Variants in CRYBG3 observed in about 807,000 individuals in gnomAD.
CRYBG3 encodes crystallin beta-gamma domain containing 3.
CRYBG3 carries 127 observed loss-of-function variants against 244.2 expected under a neutral mutation model. The ratio of observed to expected loss-of-function variants is 0.52; its 90% CI spans 0.45 to 0.60. The LOEUF is 0.60. CRYBG3 is among the 20% of genes least tolerant of loss of function. The probability of loss-of-function intolerance (pLI) is 0.00; values close to 1 mark genes in which losing one functional copy is unlikely to be tolerated. For synonymous variants in CRYBG3, 1,132 were observed against 1,195.8 expected (o/e 0.95, Z 1.10); for missense variants, 3,325 against 3,442.5 (o/e 0.97, Z 0.85).
At position 97,876,366 on chromosome 3, in the gene CRYBG3, G is replaced by A. The variant is rs2039372247; in HGVS notation, c.5172G>A (p.Gly1724=). ...MENTYQKDAE[G]DIGKAEVMPV... is the part of the protein sequence containing the mutation. Reference sequence around the variant, plus strand: ...ATACTTACCAAAAGGATGCTGAAGGGGATATTGGAAAGGCTGAAGTGATGC... The same window carrying A: ...ATACTTACCAAAAGGATGCTGAAGGAGATATTGGAAAGGCTGAAGTGATGC... The change falls in exon 4 of 22, where the codon GGG becomes GGA. Residue 1724 remains glycine (G), a synonymous_variant. Transcript: ENST00000389622. 1 of 1,232,110 alleles carries A rather than the reference G, an allele frequency of 8.1e-7. No individual in the cohort carries two copies. Among genetic ancestry groups the A allele is most frequent in the Non-Finnish European group, 1.0e-6 (1 of 987,984 alleles). The allele number at this position is 1,232,110 out of a possible 1,614,324, so 76.3% of individuals were successfully genotyped here. A position where few individuals can be genotyped will look rare whatever the true frequency, so the allele number is the denominator to read the frequency against.
At chr3:97,858,921 G>A (rs1312948521) in intron 2 of CRYBG3, among the ~76,000 whole-genome samples, 1 of 152,034 alleles carries the variant, frequency 6.6e-6, no homozygotes, top group Non-Finnish European at 1.5e-5. Flanking sequence ...TATGCATCTG[G>A]TGGAATAAGT....
intron 1 of CRYBG3, among the ~76,000 whole-genome samples, chr3:97,831,396 A>G (rs898563065): frequency 2.0e-5 from 3 of 152,146 alleles, no homozygotes; most frequent in Non-Finnish European, 4.4e-5. Context: ...TTAAGCAGAT[A>G]AGAGAACTTC....
rs557411113 is a variant in CRYBG3 at position 97,856,585 on chromosome 3, T to G, written c.217-7632T>G. Among the ~76,000 whole-genome samples the G allele has an allele frequency of 5.3e-5, 8 of 152,318 alleles. No individual in the cohort carries two copies. In the East Asian group the frequency reaches 1.5e-3, roughly 29 times the overall value. On this transcript the variant is annotated intron_variant, in intron 2 of 21. Coordinates refer to ENST00000389622, the MANE Select transcript of CRYBG3 (RefSeq NM_153605.4). ...AGAACTAATAAATGTCCATGAAATC[T>G]TCACAATCCACGTTCTTCTGCCATG...
chr3:97,937,874 ATAT>A (rs1232591264), intron 19 of CRYBG3, among the ~76,000 whole-genome samples: 1 of 152,120 alleles, frequency 6.6e-6, no homozygotes, highest in African/African-American at 2.4e-5. Context: ...ATTTCTGCCA[ATAT>A]TATTAAAGCT....
In CRYBG3 at chr3:97,874,594, G is replaced by T. The variant is rs763297903; in HGVS notation, c.3400G>T (p.Gly1134Trp). ...PFQEHFGIYT[G>W]KISIDFPTAA... is the part of the protein sequence containing the mutation. ...TCAGGAACATTTTGGGATTTATACT[G>T]GGAAGATATCCATTGATTTCCCAAC... is the stretch of plus-strand genomic sequence containing the variant. The change falls in exon 4 of 22, where the codon GGG (glycine) becomes TGG (tryptophan). Residue 1134 changes from glycine to tryptophan, a missense_variant. Physicochemically the swap from Gly to Trp is radical, Grantham distance 184. Around this residue, in one of 4 missense-constraint regions of CRYBG3, gnomAD observed 1,526 missense variants for 1,443.2 expected, o/e 1.06. Coordinates refer to ENST00000389622, the MANE Select transcript of CRYBG3 (RefSeq NM_153605.4). 4 of 1,535,984 alleles carry T rather than the reference G, an allele frequency of 2.6e-6. No individual in the cohort carries two copies. In the South Asian group the frequency reaches 4.8e-5, roughly 18 times the overall value.
At chr3:97,837,717 G>A (rs932529392) in intron 1 of CRYBG3, among the ~76,000 whole-genome samples, 1 of 152,052 alleles carries the variant, frequency 6.6e-6, no homozygotes, top group African/African-American at 2.4e-5. Flanking sequence ...CATATTTGGG[G>A]GTACTCTGAA....
chr3:97,868,008 C>T (rs1400136622), intron 3 of CRYBG3, among the ~76,000 whole-genome samples: 3 of 152,072 alleles, frequency 2.0e-5, no homozygotes, highest in Non-Finnish European at 2.9e-5. Context: ...TTGTTGGGCA[C>T]GGCGGTGGCT....
At chr3:97,834,943 C>A (rs1315674359) in intron 1 of CRYBG3, among the ~76,000 whole-genome samples, 2 of 152,086 alleles carry the variant, frequency 1.3e-5, no homozygotes, top group Non-Finnish European at 2.9e-5. Context: ...CAAAAGCACA[C>A]TCATAACCCT....
intron 1 of CRYBG3, among the ~76,000 whole-genome samples, chr3:97,834,703 A>G (rs2038706353): frequency 6.6e-6 from 1 of 152,150 alleles, no homozygotes; most frequent in South Asian, 2.1e-4. Context: ...CATTGTTCTA[A>G]GTAGGCAAAT....
intron 7 of CRYBG3, among the ~76,000 whole-genome samples, chr3:97,882,416 T>C (rs929740693): frequency 3.3e-5 from 5 of 151,910 alleles, no homozygotes; most frequent in African/African-American, 4.8e-5. Flanking sequence ...AAGGGAGGAT[T>C]GGAATAGGAA....
At chr3:97,864,093 A>G in intron 2 of CRYBG3, 124 bp from the exon 3 acceptor site, 1 of 744,752 alleles carries the variant, frequency 1.3e-6, no homozygotes, top group Middle Eastern at 3.5e-4. Flanking sequence ...AAAGGAACAG[A>G]AGCCATTAGT....
chr3:97,833,787 T>C (rs1559712330), intron 1 of CRYBG3, among the ~76,000 whole-genome samples: 1 of 152,098 alleles, frequency 6.6e-6, no homozygotes, highest in East Asian at 1.9e-4. Context: ...TTCTGTGCTA[T>C]AAAGGAATAC....
intron 2 of CRYBG3, among the ~76,000 whole-genome samples, chr3:97,851,124 C>A (rs1215654668): frequency 1.5e-5 from 2 of 130,960 alleles, no homozygotes; most frequent in African/African-American, 3.4e-5. Flanking sequence ...CAGAGCGAGA[C>A]TGTCTCCAAA....
intron 1 of CRYBG3, among the ~76,000 whole-genome samples, chr3:97,836,411 C>T (rs976603517): frequency 2.0e-5 from 3 of 152,094 alleles, no homozygotes; most frequent in African/African-American, 7.2e-5. Flanking sequence ...AAGTACCACT[C>T]TTCTGCTGGC....
At chr3:97,832,915 G>T (rs1415599190) in intron 1 of CRYBG3, among the ~76,000 whole-genome samples, 1 of 149,786 alleles carries the variant, frequency 6.7e-6, no homozygotes, top group Non-Finnish European at 1.5e-5. Context: ...GATATGAAGA[G>T]ACACTTCTCA....
rs548121379 is a variant in CRYBG3, at chr3:97,874,690, A to G, written c.3496A>G (p.Ser1166Gly). The G allele has an allele frequency of 3.3e-6, 5 of 1,535,842 alleles. No homozygotes were observed. The East Asian group carries it at 9.8e-5, about 30-fold the overall frequency. ...TGCTGGGCCTGCAGCGTCAGTTAAC[A>G]GCTCAGGCCAACAGTGTTCTGAAGC... Reference protein sequence around the residue: ...AVAGPAASVNSSGQQCSEASA... With the variant: ...AVAGPAASVNGSGQQCSEASA... Residue 1166 changes from serine to glycine, a missense_variant, in exon 4 of 22, where the codon AGC (serine) becomes GGC (glycine). Coordinates refer to ENST00000389622, the MANE Select transcript of CRYBG3 (RefSeq NM_153605.4).
chr3:97,888,757 G>A (rs146265123), intron 9 of CRYBG3, among the ~76,000 whole-genome samples: 244 of 152,250 alleles, frequency 1.6e-3, no homozygotes, highest in African/African-American at 5.7e-3. Flanking sequence ...ATATCACAAC[G>A]TGGAGTAGCA....
intron 17 of CRYBG3, among the ~76,000 whole-genome samples, chr3:97,917,877 C>G (rs964124247): frequency 1.3e-5 from 2 of 152,168 alleles, no homozygotes; most frequent in Non-Finnish European, 2.9e-5. Flanking sequence ...TCACACCCTC[C>G]AGATTCTGTC....
At chr3:97,828,414 G>A (rs761498244) in intron 1 of CRYBG3, among the ~76,000 whole-genome samples, 3 of 151,776 alleles carry the variant, frequency 2.0e-5, no homozygotes, top group African/African-American at 4.8e-5. Flanking sequence ...ATTCAATTGT[G>A]GACTAACTGA....
Sources: allele counts gnomAD v4.1 joint callset (sites outside exome capture counted in the v4.1 genomes callset), GRCh38; gene constraint gnomAD v4.1.1; regional missense constraint gnomAD v4.1.1; transcripts MANE v1.5; gene names NCBI Gene and HGNC (gene_info 2026-07-23, HGNC 2026-07-21).